The following DPYS variants were observed in gnomAD, a reference collection of about 807,000 sequenced individuals.
DPYS encodes the protein dihydropyrimidinase, also known as dihydropyrimidine amidohydrolase.
Under a neutral mutation model 50.3 loss-of-function variants are expected in DPYS, and 39 were observed. The ratio of observed to expected loss-of-function variants is 0.78; its 90% confidence interval spans 0.60 to 1.01. The LOEUF (loss-of-function observed/expected upper bound fraction) is 1.01, where lower values mean the gene tolerates loss of function less well. Ranked by LOEUF, DPYS falls within the 50% of genes least tolerant of loss-of-function variation. DPYS has a pLI of 0.00. For synonymous variants in DPYS, 245 were observed against 250.7 expected, an observed-to-expected ratio of 0.98 and a Z score of 0.22; for missense variants, 659 against 680.9, an observed-to-expected ratio of 0.97 and a Z score of 0.36.
At chr8:104,449,682 C>T (rs186118253) in intron 2 of DPYS, among the ~76,000 whole-genome samples, 1 of 152,328 alleles carries the variant, frequency 6.6e-6, no homozygotes, top group East Asian at 1.9e-4. Context: ...GGGATGCAGA[C>T]CTCCACGGGG....
At position 104,446,732 on chromosome 8, in the gene DPYS, T is replaced by TA. The variant is rs368749153; in HGVS notation, c.603+591dup. ...TAATGGGAGCTGAGCCTAAGGAGAT[T>TA]AAAAAAAAAGTCAGCTAATATAAAG... On this transcript the variant is annotated intron_variant, in intron 3 of 9. Transcript: ENST00000351513. Among the ~76,000 whole-genome samples the TA allele has an allele frequency of 3.3e-5, 5 of 151,312 alleles. No homozygotes were observed. In the East Asian group the frequency reaches 7.8e-4, roughly 23 times the overall value.
At chr8:104,391,977 T>A (rs1394002999) in intron 8 of DPYS, among the ~76,000 whole-genome samples, 1 of 152,134 alleles carries the variant, frequency 6.6e-6, no homozygotes, top group Non-Finnish European at 1.5e-5. Flanking sequence ...AACATTGTTG[T>A]CATTTTCCAG....
chr8:104,423,746 A>T (rs1388887080), intron 7 of DPYS, among the ~76,000 whole-genome samples: 10 of 152,212 alleles, frequency 6.6e-5, no homozygotes, highest in Non-Finnish European at 8.8e-5. Flanking sequence ...ACATAGAATT[A>T]TGGAAATTGG....
At chr8:104,391,265 CA>C (rs75488392) in intron 8 of DPYS, among the ~76,000 whole-genome samples, 1 of 151,734 alleles carries the variant, frequency 6.6e-6, no homozygotes, top group Admixed American at 6.6e-5. Context: ...TGAATTGAAT[CA>C]AAAAAACAGC....
intron 6 of DPYS, among the ~76,000 whole-genome samples, chr8:104,426,472 T>C (rs528962655): frequency 6.6e-4 from 101 of 152,246 alleles, no homozygotes; most frequent in African/African-American, 2.4e-3. Flanking sequence ...AATATGAGCC[T>C]CCAACTAGAA....
At chr8:104,405,387 T>C (rs1811962340) in intron 7 of DPYS, among the ~76,000 whole-genome samples, 1 of 152,208 alleles carries the variant, frequency 6.6e-6, no homozygotes, top group Non-Finnish European at 1.5e-5. Context: ...GTTCACCCCC[T>C]GCTCAAAGGA....
intron 8 of DPYS, among the ~76,000 whole-genome samples, chr8:104,392,185 A>AACTTCATT (rs1811408890): frequency 6.6e-6 from 1 of 152,092 alleles, no homozygotes; most frequent in Admixed American, 6.5e-5. Context: ...CTGACCTCTG[A>AACTTCATT]ACTTCATTAC....
intron 5 of DPYS, among the ~76,000 whole-genome samples, chr8:104,428,803 T>C (rs1812831364): frequency 1.3e-5 from 2 of 151,332 alleles, no homozygotes; most frequent in Admixed American, 6.6e-5. Context: ...AGTGTCGGGA[T>C]GTCCATGAAG....
chr8:104,407,860 T>G (rs1478999479), intron 7 of DPYS, among the ~76,000 whole-genome samples: 1 of 152,192 alleles, frequency 6.6e-6, no homozygotes, highest in Non-Finnish European at 1.5e-5. Flanking sequence ...TTCTAATAAA[T>G]GGGTTTCCTA....
In DPYS at chr8:104,429,611, T is replaced by C. The variant is rs996605020; in HGVS notation, c.884A>G (p.His295Arg). The C allele has an allele frequency of 6.2e-6, 10 of 1,614,062 alleles. No homozygotes were observed. In the East Asian group the frequency reaches 2.2e-4, roughly 36 times the overall value. ...TGGTCGCAAAGGTGGACCCATGACA[T>C]GGTGGGCTGCATGGTGCCATTCTTT... ...WNKEWHHAAH[H>R]VMGPPLRPDP... Residue 295 changes from histidine (H) to arginine (R), a missense_variant, in exon 5 of 10, where the codon CAT becomes CGT. Coordinates refer to ENST00000351513, the MANE Select transcript of DPYS (RefSeq NM_001385.3).
At position 104,379,506 on chromosome 8, in the gene DPYS, A is replaced by ATT. The variant is rs143004875; in HGVS notation, c.*350_*351dup. On this transcript the variant is annotated 3_prime_UTR_variant, in exon 10 of 10. Coordinates refer to ENST00000351513, the MANE Select transcript of DPYS (RefSeq NM_001385.3). ...GAGCTATTTTAAAACTAATGTAACC[A>ATT]TTTTTTTAAAAAAAGAAACTATTTA... 2 of 171,162 alleles carry ATT rather than the reference A, an allele frequency of 1.2e-5. No individual in the cohort carries two copies. The highest frequency in any genetic ancestry group is 1.3e-4 in the South Asian group (1 of 7,862). 10.6% of individuals were successfully genotyped at this position (171,162 alleles called of 1,614,324 possible).
At chr8:104,420,989 T>G (rs1812520407) in intron 7 of DPYS, 1 of 152,164 alleles carries the variant, frequency 6.6e-6, no homozygotes, top group Admixed American at 6.5e-5. Flanking sequence ...TAACCAAAAC[T>G]TTATGAGGTA....
intron 4 of DPYS, among the ~76,000 whole-genome samples, chr8:104,433,775 T>G (rs905617142): frequency 1.3e-5 from 2 of 152,168 alleles, no homozygotes; most frequent in Non-Finnish European, 2.9e-5. Context: ...TGTTCAACAT[T>G]GCCAAGCAGC....
chr8:104,382,719 T>C (rs1284855772), intron 8 of DPYS, among the ~76,000 whole-genome samples: 1 of 152,130 alleles, frequency 6.6e-6, no homozygotes, highest in Non-Finnish European at 1.5e-5. Flanking sequence ...AACCAAGATT[T>C]ATGTCCTTCT....
intron 1 of DPYS, among the ~76,000 whole-genome samples, chr8:104,465,632 T>G (rs1042286084): frequency 6.6e-6 from 1 of 152,134 alleles, no homozygotes; most frequent in Non-Finnish European, 1.5e-5. Context: ...TGGCTTCTCT[T>G]GTCTTGGGCC....
intron 2 of DPYS, among the ~76,000 whole-genome samples, chr8:104,450,443 G>A (rs1406585136): frequency 1.3e-5 from 2 of 152,124 alleles, no homozygotes; most frequent in Admixed American, 6.5e-5. Flanking sequence ...AACTCTTTCT[G>A]GTAAAAAGAT....
At chr8:104,450,509 G>T (rs554301565) in intron 2 of DPYS, among the ~76,000 whole-genome samples, 1 of 152,178 alleles carries the variant, frequency 6.6e-6, no homozygotes, top group Non-Finnish European at 1.5e-5. Context: ...CCAAGTAAAA[G>T]TTTCTTCCAA....
chr8:104,412,440 CTT>C (rs1402927147), intron 7 of DPYS, among the ~76,000 whole-genome samples: 2 of 152,114 alleles, frequency 1.3e-5, no homozygotes, highest in Non-Finnish European at 2.9e-5. Flanking sequence ...GTGCGTGTGT[CTT>C]GGGTGGGTGC....
At chr8:104,396,269 A>T (rs1379136545) in intron 7 of DPYS, among the ~76,000 whole-genome samples, 1 of 152,176 alleles carries the variant, frequency 6.6e-6, no homozygotes, top group Non-Finnish European at 1.5e-5. Context: ...TATAAAGAAG[A>T]TTTTTGGACT....
Sources: gnomAD v4.1 joint callset for allele counts (sites outside exome capture counted in the v4.1 genomes callset) on GRCh38, gnomAD v4.1.1 for gene constraint, MANE v1.5 for transcripts, NCBI Gene and HGNC (gene_info 2026-07-23, HGNC 2026-07-21) for gene names.